Variants in PNPLA7 observed in about 807,000 individuals in gnomAD.
PNPLA7 encodes the protein patatin like domain 7, lysophospholipase.
PNPLA7 carries 153 observed loss-of-function variants against 161.7 expected under a neutral mutation model. The ratio of observed to expected loss-of-function variants is 0.95; its 90% CI spans 0.83 to 1.08. The LOEUF is 1.08. Among genes scored for constraint, PNPLA7 ranks in the 50% least tolerant of loss-of-function variants. The pLI is 0.00. For missense variants in PNPLA7, 1,739 were observed against 1,856.6 expected (o/e 0.94, Z 1.16); for synonymous variants, 809 against 782.1 (o/e 1.03, Z -0.57).
intron 8 of PNPLA7, among the ~76,000 whole-genome samples, chr9:137,539,579 GA>G (rs1836078840): frequency 6.6e-6 from 1 of 152,066 alleles, no homozygotes; most frequent in South Asian, 2.1e-4. Flanking sequence ...TGAGGTGAGA[GA>G]ATTGCTTGAG....
chr9:137,546,701 G>A (rs893814098), intron 4 of PNPLA7, 129 bp downstream of exon 4: 5 of 761,752 alleles, frequency 6.6e-6, no homozygotes, highest in Non-Finnish European at 1.1e-5. Context: ...GCAGAGCTGG[G>A]AAGCTGGGGA....
rs1326965066 is a variant in PNPLA7, at chr9:137,543,544, C to A, written c.394G>T (p.Ala132Ser). Reference sequence around the variant, plus strand: ...GGCGGGGGCTCCTTGGGCTGCAGGGCCGGGTATTCCTTCTTGAAACGCAGA... The same window carrying A: ...GGCGGGGGCTCCTTGGGCTGCAGGGACGGGTATTCCTTCTTGAAACGCAGA... ...RILRFKKEYP[A>S]LQPKEPPPSL... The change falls in exon 6 of 35, where the codon GCC becomes TCC. Residue 132 changes from alanine to serine, a missense_variant. This residue lies in a region of PNPLA7 where 209 missense variants were observed against 252.8 expected (regional missense o/e 0.83). Transcript: ENST00000406427. This position sits in a 1 kb window ranked among gnomAD's most constrained non-coding sequence, Gnocchi z 6.9. 6.2e-7 allele frequency: 1 copy of A among 1,613,262 alleles called. No homozygotes were observed. Among genetic ancestry groups the A allele is most frequent in the African/African-American group, 1.3e-5 (1 of 75,010 alleles).
intron 19 of PNPLA7, among the ~76,000 whole-genome samples, chr9:137,494,669 C>A (rs1197765205): frequency 6.8e-6 from 1 of 146,586 alleles, no homozygotes; most frequent in African/African-American, 2.6e-5. Flanking sequence ...TCACCTGTGC[C>A]CTGCCCTCAC....
At chr9:137,473,477 A>T (rs1186601360) in intron 25 of PNPLA7, among the ~76,000 whole-genome samples, 1 of 152,246 alleles carries the variant, frequency 6.6e-6, no homozygotes, top group East Asian at 1.9e-4. Context: ...ACACTTCAAA[A>T]TTTTAAATGG....
chr9:137,535,124 A>T (rs1835816687), intron 8 of PNPLA7, among the ~76,000 whole-genome samples: 1 of 151,944 alleles, frequency 6.6e-6, no homozygotes, highest in African/African-American at 2.4e-5. Context: ...CTCTGTCCTC[A>T]AGTGTCAGTA....
chr9:137,506,916 C>T (rs1207250589), intron 12 of PNPLA7, among the ~76,000 whole-genome samples: 1 of 152,236 alleles, frequency 6.6e-6, no homozygotes, highest in African/African-American at 2.4e-5. Context: ...GAATTCGCAA[C>T]ACCCATTTCT....
rs58682596 is a variant in PNPLA7 at position 137,500,652 on chromosome 9, G to A, written c.1757+39C>T. On this transcript the variant is annotated intron_variant, in intron 16 of 34. Coordinates refer to ENST00000406427, the MANE Select transcript of PNPLA7 (RefSeq NM_001098537.3). This position sits in a 1 kb window ranked among gnomAD's most constrained non-coding sequence, Gnocchi z 5.5. ...GGGGAGGGGTCTCAGGGCAGGGGGG[G>A]CTGGGGCCCGCCCTGAGGTCCTGGC... 2.7e-5 allele frequency: 43 copies of A among 1,591,304 alleles called. No individual in the cohort carries two copies. Among genetic ancestry groups the A allele is most frequent in the Non-Finnish European group, 3.4e-5 (40 of 1,164,534 alleles).
chr9:137,534,804 G>A (rs11137428), intron 8 of PNPLA7, among the ~76,000 whole-genome samples: 3,881 of 151,832 alleles, frequency 0.026, 65 homozygotes, highest in Non-Finnish European at 0.037. Context: ...ATTACCTTAC[G>A]CCTCCCCGGG....
Position 137,480,012 on chromosome 9 carries a change from G to A in PNPLA7, c.2580+300C>T, listed in dbSNP as rs137893840. On this transcript the variant is annotated intron_variant, in intron 23 of 34. Transcript: ENST00000406427. ...TTCAGATGACACAAAATAGGGCACCGTTTACGTAAAAGGTTAGTCCTGGAA... is the reference window on the plus strand; with the variant it reads ...TTCAGATGACACAAAATAGGGCACCATTTACGTAAAAGGTTAGTCCTGGAA... 1.3e-3 allele frequency: 964 copies of A among 731,040 alleles called. 3 individuals carry two copies. Among genetic ancestry groups the A allele is most frequent in the Non-Finnish European group, 1.6e-3 (929 of 598,076 alleles). The allele number at this position is 731,040 out of a possible 1,614,324, so 45.3% of individuals were successfully genotyped here. A position where few individuals can be genotyped will look rare whatever the true frequency, so the allele number is the denominator to read the frequency against.
chr9:137,515,689 G>C (rs888073361), intron 11 of PNPLA7, among the ~76,000 whole-genome samples, 170 bp from the exon 12 acceptor site: 1 of 151,540 alleles, frequency 6.6e-6, no homozygotes, highest in Non-Finnish European at 1.5e-5. Context: ...GGGCCAGCAG[G>C]TGAGTGCAAG....
At chr9:137,530,190 C>T (rs1835515238) in intron 8 of PNPLA7, among the ~76,000 whole-genome samples, 1 of 152,008 alleles carries the variant, frequency 6.6e-6, no homozygotes, top group Non-Finnish European at 1.5e-5. Context: ...CAGTCTTGAT[C>T]TCTTGACCTT....
intron 26 of PNPLA7, among the ~76,000 whole-genome samples, chr9:137,466,339 C>T (rs1248698083): frequency 6.7e-6 from 1 of 149,790 alleles, no homozygotes; most frequent in Admixed American, 6.6e-5. Flanking sequence ...CGCCTCCCAT[C>T]GTCAACCTCC....
Position 137,550,255 on chromosome 9 carries a change from G to A in PNPLA7, c.-58C>T, listed in dbSNP as rs1437362752. 2 of 1,592,508 alleles carry A rather than the reference G, an allele frequency of 1.3e-6. No homozygotes were observed. The highest frequency in any genetic ancestry group is 1.1e-5 in the South Asian group (1 of 90,646). ...AAGCAGACAGCCTGAAGCAAACAAGGGCACACCTCTACCCGCTCATGCTCA... is the reference window on the plus strand; with the variant it reads ...AAGCAGACAGCCTGAAGCAAACAAGAGCACACCTCTACCCGCTCATGCTCA... On this transcript the variant is annotated 5_prime_UTR_variant, in exon 1 of 35. Transcript: ENST00000406427.
Position 137,522,686 on chromosome 9 carries a change from T to C in PNPLA7, c.876+43A>G, listed in dbSNP as rs373763976. ...AACCAGTGCCCAGGCCCCCCCAGGG[T>C]GACCCACAGCAGCTAGAAGAGTTGT... On this transcript the variant is annotated intron_variant, in intron 9 of 34. Transcript: ENST00000406427. 2.0e-4 allele frequency: 317 copies of C among 1,607,404 alleles called. 1 individual carries two copies. In the Middle Eastern group the frequency reaches 2.3e-3, roughly 12 times the overall value.
intron 4 of PNPLA7, among the ~76,000 whole-genome samples, chr9:137,544,235 A>C (rs1836366706): frequency 6.6e-6 from 1 of 152,034 alleles, no homozygotes. Flanking sequence ...ACTCTGTCCC[A>C]TATCTGGAAC....
intron 25 of PNPLA7, among the ~76,000 whole-genome samples, chr9:137,471,553 G>C (rs1204881493): frequency 6.7e-6 from 1 of 148,254 alleles, no homozygotes; most frequent in Non-Finnish European, 1.5e-5. Context: ...AGCCGAGATC[G>C]CGCCACTGCA....
chr9:137,542,918 T>C, intron 6 of PNPLA7, 117 bp from the exon 7 acceptor site: 1 of 1,068,866 alleles, frequency 9.4e-7, no homozygotes, highest in Non-Finnish European at 1.4e-6. Context: ...GTGCTGTGGG[T>C]CCACACGGCT....
At chr9:137,506,636 A>C (rs765391652) in intron 12 of PNPLA7, among the ~76,000 whole-genome samples, 1 of 151,776 alleles carries the variant, frequency 6.6e-6, no homozygotes, top group African/African-American at 2.4e-5. Context: ...GGGTTGAGGC[A>C]CCCCCTCCAA....
rs527520710 is a variant in PNPLA7, at chr9:137,468,557, T to C, written c.2883-1084A>G. Among the ~76,000 whole-genome samples, 240 of 152,250 alleles carry C rather than the reference T, an allele frequency of 1.6e-3. 1 individual carries two copies. The highest frequency in any genetic ancestry group is 2.4e-3 in the Admixed American group (36 of 15,296). On this transcript the variant is annotated intron_variant, in intron 25 of 34. Coordinates refer to ENST00000406427, the MANE Select transcript of PNPLA7 (RefSeq NM_001098537.3). This position sits in a 1 kb window ranked among gnomAD's most constrained non-coding sequence, Gnocchi z 4.0. ...TGGGGGGGACCCTGGAGGCATTTGC[T>C]GTGGTTTAGCTCTCTGTCCCCACCG...
Sources: allele counts gnomAD v4.1 joint callset (sites outside exome capture counted in the v4.1 genomes callset), GRCh38; gene constraint gnomAD v4.1.1; regional missense constraint gnomAD v4.1.1; non-coding constraint Gnocchi (gnomAD v3.1); transcripts MANE v1.5; gene names NCBI Gene and HGNC (gene_info 2026-07-23, HGNC 2026-07-21).